CABP1: variants seen among roughly 807,000 people sequenced by gnomAD.
CABP1 encodes calcium-binding protein 1.
A neutral mutation model predicts 34.3 loss-of-function variants in CABP1; 17 were observed. The ratio of observed to expected loss-of-function variants is 0.50; its 90% CI spans 0.34 to 0.74. The LOEUF (loss-of-function observed/expected upper bound fraction) is 0.74. Among genes scored for constraint, CABP1 ranks in the 30% least tolerant of loss-of-function variants. CABP1 has a pLI of 0.01. For missense variants in CABP1, 373 were observed against 511.1 expected (o/e 0.73, Z 2.61); for synonymous variants, 198 against 229.2 (o/e 0.86, Z 1.23).
intron 1 of CABP1, among the ~76,000 whole-genome samples, chr12:120,651,883 G>T (rs1414952707): frequency 6.6e-6 from 1 of 152,160 alleles, no homozygotes; most frequent in Non-Finnish European, 1.5e-5. Flanking sequence ...TGCCCTCCGC[G>T]CTGTCCCAGA....
At chr12:120,656,304 A>G (rs1007286904) in intron 1 of CABP1, 1 of 1,507,506 alleles carries the variant, frequency 6.6e-7, no homozygotes, top group Non-Finnish European at 8.9e-7. Flanking sequence ...AGCCCGCTGA[A>G]CTTGGCTTCA....
Position 120,666,811 on chromosome 12 carries a change from A to G in CABP1, c.1088-64A>G, listed in dbSNP as rs551960018. The G allele has an allele frequency of 1.7e-5, 26 of 1,553,170 alleles. No individual in the cohort carries two copies. In the East Asian group the frequency reaches 5.8e-4, roughly 35 times the overall value. ...GCAGTGGCAACAGGGTGGGGTCTGAAGGCAGCAACCTGGGGAGGCCTCTGG... is the reference window on the plus strand; with the variant it reads ...GCAGTGGCAACAGGGTGGGGTCTGAGGGCAGCAACCTGGGGAGGCCTCTGG... On this transcript the variant is annotated intron_variant, in intron 5 of 5. Coordinates refer to ENST00000316803, the MANE Select transcript of CABP1 (RefSeq NM_001033677.2).
intron 1 of CABP1, among the ~76,000 whole-genome samples, chr12:120,646,938 C>G (rs1879565701): frequency 6.6e-6 from 1 of 152,206 alleles, no homozygotes; most frequent in Non-Finnish European, 1.5e-5. Context: ...TTGCTATCCT[C>G]AAACCTCAAG....
Position 120,667,071 on chromosome 12 carries a change from A to G in CABP1, c.*171A>G. ...GGACCCCCACCCCTCCGCACTGTGA[A>G]AGACTAACTCCTGCAACTGGAAAGC... On this transcript the variant is annotated 3_prime_UTR_variant, in exon 6 of 6. Coordinates refer to ENST00000316803, the MANE Select transcript of CABP1 (RefSeq NM_001033677.2). 1 of 706,792 alleles carries G rather than the reference A, an allele frequency of 1.4e-6. No homozygotes were observed. Among genetic ancestry groups the G allele is most frequent in the Non-Finnish European group, 2.3e-6 (1 of 431,368 alleles). 43.8% of individuals were successfully genotyped at this position (706,792 alleles called of 1,614,324 possible).
intron 1 of CABP1, chr12:120,650,464 G>A: frequency 6.8e-7 from 1 of 1,467,190 alleles, no homozygotes; most frequent in Non-Finnish European, 8.9e-7. Flanking sequence ...AGCAGGAGCA[G>A]GCAGACGAGT....
Position 120,652,279 on chromosome 12 carries a change from A to G in CABP1, c.655-7599A>G, listed in dbSNP as rs1879893965. ...GCGGGATGGAGGAGAAACAGGAAAT[A>G]GGAGAGATTTTCAGTCCACAGAGTA... On this transcript the variant is annotated intron_variant, in intron 1 of 5. Coordinates refer to ENST00000316803, the MANE Select transcript of CABP1 (RefSeq NM_001033677.2). 2.0e-5 allele frequency among the ~76,000 whole-genome samples: 3 copies of G among 152,220 alleles called. No homozygotes were observed. In the South Asian group the frequency reaches 6.2e-4, roughly 32 times the overall value.
At chr12:120,678,217 A>C in the CABP1 span, among the ~76,000 whole-genome samples, 1 of 152,234 alleles carries the variant, frequency 6.6e-6, no homozygotes, top group African/African-American at 2.4e-5. Context: ...GGGGAAAAAT[A>C]TCCCATAAAC....
chr12:120,647,994 A>G (rs1879629752), intron 1 of CABP1, among the ~76,000 whole-genome samples: 1 of 152,152 alleles, frequency 6.6e-6, no homozygotes, highest in African/African-American at 2.4e-5. Context: ...GAATTAAGTT[A>G]GAATTTCTGG....
At chr12:120,654,941 G>A (rs1292999024) in intron 1 of CABP1, among the ~76,000 whole-genome samples, 2 of 152,236 alleles carry the variant, frequency 1.3e-5, no homozygotes, top group African/African-American at 4.8e-5. Flanking sequence ...CCGGCACTCT[G>A]GGCCAGGCAG....
chr12:120,654,546 C>T (rs1341147591), intron 1 of CABP1, among the ~76,000 whole-genome samples: 1 of 152,184 alleles, frequency 6.6e-6, no homozygotes, highest in Admixed American at 6.5e-5. Flanking sequence ...ACTTCTCAGA[C>T]AAAGAGCCCT....
At chr12:120,675,778 A>G in the CABP1 span, among the ~76,000 whole-genome samples, 1,462 of 152,306 alleles carry the variant, frequency 9.6e-3, 28 homozygotes, top group African/African-American at 0.033. Flanking sequence ...GGCACTTAGC[A>G]ATGATTTATT....
At chr12:120,680,328 A>G in the CABP1 span, among the ~76,000 whole-genome samples, 2 of 152,204 alleles carry the variant, frequency 1.3e-5, no homozygotes, top group Non-Finnish European at 2.9e-5. Context: ...ACTCAGCAAG[A>G]AAGGAAGTGA....
chr12:120,660,375 TCCTCAC>T lies in CABP1; in HGVS notation c.829+40_829+45del. ...CTACCAGGCATCTGCGTCCCTTCGGTCCTCACCCTTGCCGTCCTCTGCAGTCAGACA... is the reference window on the plus strand; with the variant it reads ...CTACCAGGCATCTGCGTCCCTTCGGTCCTTGCCGTCCTCTGCAGTCAGACA... On this transcript the variant is annotated intron_variant, in intron 3 of 5. Transcript: ENST00000316803. The surrounding 1 kb of genome is among the most constrained non-coding windows in gnomAD (Gnocchi z 5.0). 6.2e-7 allele frequency: 1 copy of T among 1,600,750 alleles called. No individual in the cohort carries two copies. The highest frequency in any genetic ancestry group is 8.5e-7 in the Non-Finnish European group (1 of 1,175,148).
At chr12:120,666,759 T>C (rs1881017034) in intron 5 of CABP1, 116 bp from the exon 6 acceptor site, 2 of 1,135,664 alleles carry the variant, frequency 1.8e-6, no homozygotes, top group Admixed American at 4.0e-5. Flanking sequence ...GAGGGCGGAA[T>C]GGATGGGGGA....
chr12:120,671,729 C>T (rs1174347116), downstream of CABP1, among the ~76,000 whole-genome samples: 2 of 152,204 alleles, frequency 1.3e-5, no homozygotes, highest in East Asian at 1.9e-4. Context: ...AGCCAGGAGG[C>T]GTCCCCATAG....
chr12:120,674,365 A>C, the CABP1 span, among the ~76,000 whole-genome samples: 3 of 152,258 alleles, frequency 2.0e-5, no homozygotes, highest in African/African-American at 7.2e-5. Flanking sequence ...GACAGTGACA[A>C]GATAATCACA....
At chr12:120,666,498 C>T (rs1880998394) in intron 5 of CABP1, among the ~76,000 whole-genome samples, 1 of 138,056 alleles carries the variant, frequency 7.2e-6, no homozygotes, top group Non-Finnish European at 1.6e-5. Context: ...AAAAAAAATG[C>T]TGAGAGGTGA....
intron 1 of CABP1, among the ~76,000 whole-genome samples, chr12:120,642,776 T>A (rs1879394909): frequency 6.6e-6 from 1 of 152,076 alleles, no homozygotes; most frequent in African/African-American, 2.4e-5. Flanking sequence ...AATTCATTCA[T>A]TTATCAATTA....
At chr12:120,643,049 A>G (rs1178383205) in intron 1 of CABP1, among the ~76,000 whole-genome samples, 1 of 147,620 alleles carries the variant, frequency 6.8e-6, no homozygotes, top group Non-Finnish European at 1.5e-5. Context: ...ATTTGCCTAC[A>G]TGAGCCCTTT....
Sources: allele counts gnomAD v4.1 joint callset (sites outside exome capture counted in the v4.1 genomes callset), GRCh38; gene constraint gnomAD v4.1.1; non-coding constraint Gnocchi (gnomAD v3.1); transcripts MANE v1.5; gene names NCBI Gene and HGNC (gene_info 2026-07-23, HGNC 2026-07-21).